Variants in ZNF487 observed in about 807,000 individuals in gnomAD.
The protein encoded by ZNF487 is zinc finger protein 487.
Under a neutral mutation model 3.0 loss-of-function variants are expected in ZNF487, and 4 were observed. The ratio of observed to expected loss-of-function variants is 1.35; its 90% CI spans 0.66 to 3.08. ZNF487 has a LOEUF of 3.08. ZNF487 is among the 30% of genes most tolerant of loss of function. The pLI, the probability that ZNF487 is intolerant of heterozygous loss-of-function variation, is 0.01. For missense variants in ZNF487, 146 were observed against 98.7 expected, an observed-to-expected ratio of 1.48 and a Z score of -2.03; for synonymous variants, 55 against 34.6, an observed-to-expected ratio of 1.59 and a Z score of -2.06.
At chr10:43,516,191 A>G in the ZNF487 span, among the ~76,000 whole-genome samples, 2 of 152,204 alleles carry the variant, frequency 1.3e-5, no homozygotes, top group Non-Finnish European at 2.9e-5. Flanking sequence ...TAGGGTTACT[A>G]AACTCCTTGC....
chr10:43,439,377 G>A (rs1365711700), intron 1 of ZNF487, among the ~76,000 whole-genome samples: 1 of 151,990 alleles, frequency 6.6e-6, no homozygotes, highest in African/African-American at 2.4e-5. Context: ...TCCACCCTGA[G>A]TGACAGAGCA....
At chr10:43,440,617 C>T (rs955053107) in intron 1 of ZNF487, among the ~76,000 whole-genome samples, 1 of 151,026 alleles carries the variant, frequency 6.6e-6, no homozygotes, top group African/African-American at 2.4e-5. Flanking sequence ...GAGATTGCGC[C>T]ACTGCACTCC....
At chr10:43,445,032 T>C (rs1438864205) in intron 1 of ZNF487, among the ~76,000 whole-genome samples, 1 of 152,066 alleles carries the variant, frequency 6.6e-6, no homozygotes, top group East Asian at 1.9e-4. Flanking sequence ...TGTTTTGGAT[T>C]TTTTTTTCAG....
upstream of ZNF487, chr10:43,437,037 C>A: frequency 2.9e-6 from 1 of 340,574 alleles, no homozygotes; most frequent in South Asian, 2.0e-5. Flanking sequence ...AGCAAGGCTT[C>A]CGGAAGCGCA....
At chr10:43,521,243 T>G in the ZNF487 span, among the ~76,000 whole-genome samples, 1 of 152,228 alleles carries the variant, frequency 6.6e-6, no homozygotes, top group African/African-American at 2.4e-5. Flanking sequence ...TAATCCTTTT[T>G]AATATGGGTT....
At chr10:43,480,518 C>T (rs867873591) in intron 3 of ZNF487, among the ~76,000 whole-genome samples, 54 of 152,050 alleles carry the variant, frequency 3.6e-4, no homozygotes, top group Non-Finnish European at 3.1e-4. Context: ...CGGGTTCAAG[C>T]GATTCTCCTG....
chr10:43,465,943 C>T (rs952860428), intron 1 of ZNF487, among the ~76,000 whole-genome samples: 9 of 152,180 alleles, frequency 5.9e-5, no homozygotes, highest in African/African-American at 1.7e-4. Flanking sequence ...CCCGGCACCT[C>T]GGGAGGCCGA....
intron 1 of ZNF487, among the ~76,000 whole-genome samples, chr10:43,442,153 T>G (rs1752738258): frequency 1.3e-5 from 2 of 152,050 alleles, no homozygotes; most frequent in East Asian, 1.9e-4. Context: ...TTGCTTGAGC[T>G]CAGACGTTTG....
At chr10:43,498,090 TATATATATA>T in the ZNF487 span, among the ~76,000 whole-genome samples, 359 of 16,730 alleles carry the variant, frequency 0.021, 16 homozygotes, top group South Asian at 0.058. Flanking sequence ...TATATATATA[TATATATATA>T]TTTTTTTTTT....
At chr10:43,465,030 G>C (rs1220430323) in intron 1 of ZNF487, among the ~76,000 whole-genome samples, 1 of 135,460 alleles carries the variant, frequency 7.4e-6, no homozygotes, top group Non-Finnish European at 1.6e-5. Context: ...GGACGGGGCG[G>C]CTGGCCGGGC....
chr10:43,465,835 G>C (rs1402841869), intron 1 of ZNF487, among the ~76,000 whole-genome samples: 5 of 152,220 alleles, frequency 3.3e-5, no homozygotes, highest in African/African-American at 1.2e-4. Context: ...GCCAAGGCAG[G>C]CGGCTGGGAT....
intron 3 of ZNF487, among the ~76,000 whole-genome samples, chr10:43,477,482 A>C (rs773651654): frequency 1.2e-4 from 18 of 151,936 alleles, no homozygotes; most frequent in Admixed American, 2.6e-4. Flanking sequence ...GGTGTGAGCC[A>C]CTGCGCCTGG....
At chr10:43,460,005 T>G (rs1589034847) in intron 1 of ZNF487, among the ~76,000 whole-genome samples, 2 of 151,936 alleles carry the variant, frequency 1.3e-5, no homozygotes, top group East Asian at 3.9e-4. Context: ...GGTTTCACCG[T>G]GTCAGCCAGG....
chr10:43,494,546 C>A, the ZNF487 span, among the ~76,000 whole-genome samples: 5 of 151,168 alleles, frequency 3.3e-5, no homozygotes, highest in African/African-American at 4.9e-5. Context: ...CAAACCTGGA[C>A]ATCTAACTCT....
At chr10:43,439,856 T>C (rs982548176) in intron 1 of ZNF487, among the ~76,000 whole-genome samples, 16 of 152,270 alleles carry the variant, frequency 1.1e-4, no homozygotes, top group Admixed American at 9.8e-4. Flanking sequence ...GTCAAATTCA[T>C]GTAAACAGAA....
At chr10:43,500,340 G>A in the ZNF487 span, among the ~76,000 whole-genome samples, 1 of 151,940 alleles carries the variant, frequency 6.6e-6, no homozygotes, top group Non-Finnish European at 1.5e-5. Flanking sequence ...ACATGATTCA[G>A]GTTTGAGTGC....
intron 1 of ZNF487, among the ~76,000 whole-genome samples, chr10:43,464,091 G>A (rs957473089): frequency 1.3e-5 from 2 of 151,946 alleles, no homozygotes; most frequent in African/African-American, 2.4e-5. Context: ...AGCTTAATGA[G>A]GAAGGCATAT....
intron 1 of ZNF487, among the ~76,000 whole-genome samples, chr10:43,438,728 C>G (rs1839472281): frequency 6.6e-6 from 1 of 152,108 alleles, no homozygotes; most frequent in Non-Finnish European, 1.5e-5. Context: ...ACCCCAGTGT[C>G]CATTGATAGA....
intron 1 of ZNF487, among the ~76,000 whole-genome samples, chr10:43,439,024 AGGGTC>A (rs1486904925): frequency 6.6e-6 from 1 of 151,526 alleles, no homozygotes; most frequent in Non-Finnish European, 1.5e-5. Flanking sequence ...GGTGGATCAG[AGGGTC>A]AGGAGTTTGA....
Sources: allele counts gnomAD v4.1 joint callset (sites outside exome capture counted in the v4.1 genomes callset), GRCh38; gene constraint gnomAD v4.1.1; transcripts MANE v1.5; gene names NCBI Gene and HGNC (gene_info 2026-07-23, HGNC 2026-07-21).